Variants in PRRC2B observed in about 807,000 individuals in gnomAD.
The protein encoded by PRRC2B is proline rich coiled-coil 2B, also known as protein PRRC2B.
Under a neutral mutation model 242.3 loss-of-function variants are expected in PRRC2B, and 68 were observed. The ratio of observed to expected loss-of-function variants is 0.28; its 90% CI spans 0.23 to 0.34. The LOEUF (loss-of-function observed/expected upper bound fraction) is 0.34. Among genes scored for constraint, PRRC2B ranks in the 10% least tolerant of loss-of-function variants. The probability of loss-of-function intolerance (pLI) is 1.00; values close to 1 mark genes in which losing one functional copy is unlikely to be tolerated. For missense variants in PRRC2B, 2,835 were observed against 2,954.8 expected (o/e 0.96, Z 0.94); for synonymous variants, 1,228 against 1,173.6 (o/e 1.05, Z -0.95).
Position 131,455,138 on chromosome 9 carries a change from G to A in PRRC2B, c.1183G>A (p.Glu395Lys). ...GTTCAGTGATGATGAAGAGGAGGAAGAAGTTGTGAAGGACGGCAGGCCAAA... is the reference window on the plus strand; with the variant it reads ...GTTCAGTGATGATGAAGAGGAGGAAAAAGTTGTGAAGGACGGCAGGCCAAA... ...LKFSDDEEEEEVVKDGRPKWN... is the reference protein window; with the variant it reads ...LKFSDDEEEEKVVKDGRPKWN... Residue 395 changes from glutamate (E) to lysine (K), a missense_variant, in exon 10 of 32, where the codon GAA becomes AAA. Coordinates refer to ENST00000683519, the MANE Select transcript of PRRC2B (RefSeq NM_013318.4). 2 of 1,613,846 alleles carry A rather than the reference G, an allele frequency of 1.2e-6. No homozygotes were observed. Among genetic ancestry groups the A allele is most frequent in the Non-Finnish European group, 8.5e-7 (1 of 1,179,812 alleles).
At chr9:131,439,148 AC>A in intron 5 of PRRC2B, 87 bp downstream of exon 5, 1 of 1,139,120 alleles carries the variant, frequency 8.8e-7, no homozygotes, top group Non-Finnish European at 1.3e-6. Context: ...GGGTCTAGGC[AC>A]CCAGAAGCTT....
intron 3 of PRRC2B, among the ~76,000 whole-genome samples, chr9:131,436,322 C>T (rs1233080054): frequency 6.6e-6 from 1 of 152,094 alleles, no homozygotes; most frequent in Non-Finnish European, 1.5e-5. Context: ...CCAAGTTTAC[C>T]CCACTACACT....
chr9:131,458,548 A>T (rs1457933412), intron 10 of PRRC2B, among the ~76,000 whole-genome samples: 9 of 151,062 alleles, frequency 6.0e-5, no homozygotes, highest in Non-Finnish European at 5.9e-5. Context: ...TTTGTTGCCC[A>T]GGCTGGAGTG....
Position 131,432,744 on chromosome 9 carries a change from C to A in PRRC2B, c.243C>A (p.Pro81=), listed in dbSNP as rs376558557. 2.6e-3 allele frequency: 4,248 copies of A among 1,614,060 alleles called. 127 individuals are homozygous for A. The South Asian group carries it at 0.044, about 17-fold the overall frequency. The change falls in exon 3 of 32, where the codon CCC becomes CCA. Residue 81 remains proline, a synonymous_variant. Transcript: ENST00000683519. ...KGNDPNIVIV[P]KDGTGWANKQ... is the part of the protein sequence containing the mutation. ...ACGACCCCAACATCGTGATAGTACCCAAGGACGGGACGGGATGGGCAAACA... is the reference window on the plus strand; with the variant it reads ...ACGACCCCAACATCGTGATAGTACCAAAGGACGGGACGGGATGGGCAAACA...
At chr9:131,460,526 G>T (rs1300315014) in intron 11 of PRRC2B, among the ~76,000 whole-genome samples, 1 of 152,150 alleles carries the variant, frequency 6.6e-6, no homozygotes, top group East Asian at 1.9e-4. Context: ...GTGCACTTTG[G>T]TCTCTTGATT....
chr9:131,418,955 C>G (rs1287262193), intron 1 of PRRC2B, among the ~76,000 whole-genome samples: 2 of 152,098 alleles, frequency 1.3e-5, no homozygotes. Flanking sequence ...GAAGAGAGAT[C>G]CAGGGATCTA....
chr9:131,481,725 G>T lies in PRRC2B; in HGVS notation c.4901-1G>T. ...CTGACTCTGTCTTCCTCCCCTGGCA[G>T]CTCTCCCTGTGCAGGCCCCAGCCAA... On this transcript the variant is annotated splice_acceptor_variant, in intron 19 of 31. Transcript: ENST00000683519. LOFTEE classifies it high-confidence loss of function. 6.4e-7 allele frequency: 1 copy of T among 1,559,678 alleles called. No homozygotes were observed. The highest frequency in any genetic ancestry group is 8.7e-7 in the Non-Finnish European group (1 of 1,152,224).
chr9:131,475,890 A>G lies in PRRC2B; in HGVS notation c.3761A>G (p.Asp1254Gly). ...TCGSRRPTDRDYVPDSYRHPD... is the reference protein window; with the variant it reads ...TCGSRRPTDRGYVPDSYRHPD... ...GGATCCCGGCGACCTACAGACAGAG[A>G]CTATGTCCCAGATTCCTACAGACAC... The change falls in exon 16 of 32, where the codon GAC becomes GGC. Residue 1254 changes from aspartate to glycine, a missense_variant. By Grantham distance (94) the Asp-to-Gly change is moderately conservative (BLOSUM62 -1). This residue lies in a region of PRRC2B where 1,536 missense variants were observed against 1,483.1 expected (regional missense o/e 1.04). Coordinates refer to ENST00000683519, the MANE Select transcript of PRRC2B (RefSeq NM_013318.4). 6.2e-7 allele frequency: 1 copy of G among 1,613,842 alleles called. No individual in the cohort carries two copies. The highest frequency in any genetic ancestry group is 8.5e-7 in the Non-Finnish European group (1 of 1,179,844).
chr9:131,395,040 GA>G (rs969699689), intron 1 of PRRC2B, among the ~76,000 whole-genome samples: 4 of 151,602 alleles, frequency 2.6e-5, no homozygotes, highest in African/African-American at 7.3e-5. Context: ...GTGGGCCTCT[GA>G]AGAGTGGATT....
At chr9:131,405,087 A>C (rs1837328441) in intron 1 of PRRC2B, among the ~76,000 whole-genome samples, 2 of 152,198 alleles carry the variant, frequency 1.3e-5, no homozygotes, top group Non-Finnish European at 2.9e-5. Context: ...TTGGGTGTGC[A>C]CATTTTCCAA....
intron 1 of PRRC2B, among the ~76,000 whole-genome samples, chr9:131,418,773 A>G (rs1457792449): frequency 6.6e-6 from 1 of 152,206 alleles, no homozygotes; most frequent in Non-Finnish European, 1.5e-5. Context: ...AATTATCTTC[A>G]TAGTTTTAAA....
At chr9:131,393,926 G>A (rs1385068909), upstream of PRRC2B, among the ~76,000 whole-genome samples, 3 of 148,796 alleles carry the variant, frequency 2.0e-5, no homozygotes, top group African/African-American at 7.4e-5. Context: ...CCCAGCCCTC[G>A]CCCGGCCCCC....
At chr9:131,375,905 C>T (rs771912812) in intron 1 of PRRC2B, among the ~76,000 whole-genome samples, 13 of 151,892 alleles carry the variant, frequency 8.6e-5, no homozygotes, top group African/African-American at 2.4e-4. Context: ...AGAAATTAGC[C>T]GGGCATGGTG....
intron 1 of PRRC2B, among the ~76,000 whole-genome samples, chr9:131,420,508 T>TCTTTCTTTCCTTCC (rs1837807733): frequency 1.5e-5 from 2 of 129,502 alleles, no homozygotes; most frequent in Non-Finnish European, 3.3e-5. Flanking sequence ...TTTTTTTTTT[T>TCTTTCTTTCCTTCC]TTGAGATGGA....
intron 25 of PRRC2B, chr9:131,485,648 G>T (rs369494157): frequency 1.9e-6 from 1 of 535,648 alleles, no homozygotes; most frequent in Non-Finnish European, 3.7e-6. Context: ...TGGGGGTTTT[G>T]AGGGCCCAGC....
In PRRC2B at chr9:131,475,881, C is replaced by T; in HGVS notation, c.3752C>T (p.Thr1251Ile). Residue 1251 changes from threonine (T) to isoleucine (I), a missense_variant, in exon 16 of 32, where the codon ACA becomes ATA. Thr to Ile is a moderately conservative substitution (Grantham distance 89). This residue lies in a region of PRRC2B where 1,536 missense variants were observed against 1,483.1 expected (regional missense o/e 1.04). Transcript: ENST00000683519. ...GACACATGCGGATCCCGGCGACCTACAGACAGAGACTATGTCCCAGATTCC... is the reference window on the plus strand; with the variant it reads ...GACACATGCGGATCCCGGCGACCTATAGACAGAGACTATGTCCCAGATTCC... Reference protein sequence around the residue: ...PSDTCGSRRPTDRDYVPDSYR... With the variant: ...PSDTCGSRRPIDRDYVPDSYR... 1 of 1,613,904 alleles carries T rather than the reference C, an allele frequency of 6.2e-7. No individual in the cohort carries two copies. Among genetic ancestry groups the T allele is most frequent in the Non-Finnish European group, 8.5e-7 (1 of 1,179,838 alleles).
chr9:131,380,031 C>T lies in PRRC2B; in HGVS notation c.-56+6300C>T, dbSNP rs529418409. On this transcript the variant is annotated intron_variant, in intron 1 of 1. Coordinates refer to the PRRC2B transcript ENST00000682525. ...TTTTTGAGATGGAATCTCACTCTGT[C>T]GCCCAGGCTGGAGTGCAGTGGTGCA... Among the ~76,000 whole-genome samples the T allele has an allele frequency of 1.5e-4, 22 of 146,550 alleles. No homozygotes were observed. In the South Asian group the frequency reaches 3.7e-3, roughly 25 times the overall value.
chr9:131,441,365 A>G (rs1838566126), intron 5 of PRRC2B, among the ~76,000 whole-genome samples: 2 of 152,226 alleles, frequency 1.3e-5, no homozygotes, highest in Admixed American at 1.3e-4. Flanking sequence ...AATGTAGGTA[A>G]TGTAACTGTA....
intron 29 of PRRC2B, 68 bp downstream of exon 29, chr9:131,491,648 C>G: frequency 7.1e-7 from 1 of 1,410,820 alleles, no homozygotes. Context: ...TTCTAGCAAG[C>G]TAAGTACCCC....
Sources: allele counts gnomAD v4.1 joint callset (sites outside exome capture counted in the v4.1 genomes callset), GRCh38; gene constraint gnomAD v4.1.1; regional missense constraint gnomAD v4.1.1; transcripts MANE v1.5; gene names NCBI Gene and HGNC (gene_info 2026-07-23, HGNC 2026-07-21).